Variants in CMSS1 observed in about 807,000 individuals in gnomAD.
CMSS1 encodes protein CMSS1.
Under a neutral mutation model 43.5 loss-of-function variants are expected in CMSS1, and 33 were observed. The observed-to-expected ratio is 0.76, with a 90% CI of 0.57 to 1.01. The LOEUF is 1.01. CMSS1 is among the 50% of genes least tolerant of loss of function. The pLI is 0.00. For synonymous variants in CMSS1, 115 were observed against 117.2 expected, an observed-to-expected ratio of 0.98 and a Z score of 0.12; for missense variants, 313 against 326.4, an observed-to-expected ratio of 0.96 and a Z score of 0.32.
chr3:100,098,735 A>G (rs2066255444), intron 1 of CMSS1, among the ~76,000 whole-genome samples: 1 of 152,246 alleles, frequency 6.6e-6, no homozygotes, highest in Non-Finnish European at 1.5e-5. Context: ...TGCCGTATAC[A>G]GAGGTGGAAA....
chr3:100,176,980 A>G (rs2067152875), intron 9 of CMSS1, among the ~76,000 whole-genome samples: 1 of 152,222 alleles, frequency 6.6e-6, no homozygotes, highest in African/African-American at 2.4e-5. Context: ...ACAATCCATT[A>G]TCATCATAAT....
chr3:99,860,373 G>A (rs1390827300), intron 1 of CMSS1, among the ~76,000 whole-genome samples: 2 of 152,140 alleles, frequency 1.3e-5, no homozygotes, highest in Admixed American at 1.3e-4. Context: ...ATTATAAGGA[G>A]CTTGGTAGCT....
At chr3:100,000,201 G>T (rs1475299367) in intron 1 of CMSS1, among the ~76,000 whole-genome samples, 1 of 152,050 alleles carries the variant, frequency 6.6e-6, no homozygotes, top group Non-Finnish European at 1.5e-5. Context: ...GATCCTTCAG[G>T]TCTCTATCTA....
intron 1 of CMSS1, among the ~76,000 whole-genome samples, chr3:100,021,521 G>A (rs2043412682): frequency 6.6e-6 from 1 of 152,280 alleles, no homozygotes; most frequent in South Asian, 2.1e-4. Context: ...AAAAATCTGA[G>A]TGCCAGAAAG....
At chr3:99,887,941 T>C (rs1705962522) in intron 1 of CMSS1, among the ~76,000 whole-genome samples, 1 of 152,036 alleles carries the variant, frequency 6.6e-6, no homozygotes, top group Non-Finnish European at 1.5e-5. Flanking sequence ...GGTTTTGCCA[T>C]GTTGCCCAGG....
chr3:99,936,869 A>G (rs775951709), intron 1 of CMSS1, among the ~76,000 whole-genome samples: 1 of 152,168 alleles, frequency 6.6e-6, no homozygotes, highest in Non-Finnish European at 1.5e-5. Flanking sequence ...ACAAACATTT[A>G]TGAAATGAAG....
chr3:99,977,124 T>C (rs1028377665), intron 1 of CMSS1, among the ~76,000 whole-genome samples: 2 of 152,214 alleles, frequency 1.3e-5, no homozygotes, highest in African/African-American at 4.8e-5. Context: ...AGCACGAACA[T>C]TGTCATGGAG....
intron 1 of CMSS1, among the ~76,000 whole-genome samples, chr3:100,074,058 G>A (rs991609479): frequency 1.3e-5 from 2 of 152,088 alleles, no homozygotes; most frequent in African/African-American, 4.8e-5. Context: ...AAAGGTTTGT[G>A]GGGGCCTTTT....
At chr3:100,118,557 G>T (rs1185589286) in intron 1 of CMSS1, among the ~76,000 whole-genome samples, 3 of 152,146 alleles carry the variant, frequency 2.0e-5, no homozygotes, top group Non-Finnish European at 4.4e-5. Context: ...TCCAGTTGCA[G>T]AGTATCCATG....
intron 1 of CMSS1, among the ~76,000 whole-genome samples, chr3:100,014,914 T>G (rs1710293462): frequency 1.4e-5 from 2 of 145,310 alleles, no homozygotes; most frequent in African/African-American, 5.0e-5. Flanking sequence ...TTTTTTTTTT[T>G]TTTTGCCCCT....
chr3:99,973,635 A>G (rs576005518), intron 1 of CMSS1, among the ~76,000 whole-genome samples: 2 of 152,348 alleles, frequency 1.3e-5, no homozygotes, highest in Admixed American at 1.3e-4. Context: ...GTAAGTAAAT[A>G]GATTGAGGAG....
chr3:99,871,455 C>T (rs903222977), intron 1 of CMSS1, among the ~76,000 whole-genome samples: 2 of 151,900 alleles, frequency 1.3e-5, no homozygotes, highest in African/African-American at 4.8e-5. Flanking sequence ...TAAAACTGAC[C>T]CTGAAGGAGT....
intron 1 of CMSS1, among the ~76,000 whole-genome samples, chr3:99,861,042 A>G (rs567792846): frequency 7.9e-5 from 12 of 152,094 alleles, no homozygotes; most frequent in Non-Finnish European, 1.8e-4. Context: ...GAGTCTACTC[A>G]TTTTTCTCAC....
At chr3:99,952,726 G>A (rs1026436306) in intron 1 of CMSS1, among the ~76,000 whole-genome samples, 1 of 152,116 alleles carries the variant, frequency 6.6e-6, no homozygotes, top group Non-Finnish European at 1.5e-5. Flanking sequence ...TACTAGCTTT[G>A]AGTGAAGAAG....
rs144552446 is a variant in CMSS1 at position 100,007,920 on chromosome 3, A to G, written c.65-139053A>G. ...ACTGGGTAATGCATTGCATATAGTT[A>G]CTAGTTTTTAAAATAGTTAACTCCT... On this transcript the variant is annotated intron_variant, in intron 1 of 9. Coordinates refer to ENST00000421999, the MANE Select transcript of CMSS1 (RefSeq NM_032359.4). 4.0e-3 allele frequency among the ~76,000 whole-genome samples: 603 copies of G among 152,264 alleles called. 4 individuals are homozygous for G. The highest frequency in any genetic ancestry group is 0.013 in the African/African-American group (560 of 41,556).
intron 1 of CMSS1, among the ~76,000 whole-genome samples, chr3:99,983,057 G>A (rs758292211): frequency 5.9e-5 from 9 of 152,022 alleles, no homozygotes; most frequent in Non-Finnish European, 1.0e-4. Context: ...TACCCATCAG[G>A]AATAACACAT....
At chr3:99,856,303 T>A (rs1943963076) in intron 1 of CMSS1, among the ~76,000 whole-genome samples, 1 of 152,248 alleles carries the variant, frequency 6.6e-6, no homozygotes, top group Non-Finnish European at 1.5e-5. Context: ...ACAAAGAGTA[T>A]AGGTATGAAT....
intron 1 of CMSS1, among the ~76,000 whole-genome samples, chr3:100,001,219 A>G (rs1427494852): frequency 6.6e-6 from 1 of 152,238 alleles, no homozygotes; most frequent in East Asian, 1.9e-4. Flanking sequence ...TTAATAGTAT[A>G]CTATGACCAG....
intron 1 of CMSS1, among the ~76,000 whole-genome samples, chr3:100,061,551 G>A (rs2065566797): frequency 6.6e-6 from 1 of 152,188 alleles, no homozygotes; most frequent in African/African-American, 2.4e-5. Flanking sequence ...GAAAGAAGAT[G>A]GAACTTTTTT....
Sources: gnomAD v4.1 joint callset for allele counts (sites outside exome capture counted in the v4.1 genomes callset) on GRCh38, gnomAD v4.1.1 for gene constraint, MANE v1.5 for transcripts, NCBI Gene and HGNC (gene_info 2026-07-23, HGNC 2026-07-21) for gene names.